MS4A6E: variants seen among roughly 807,000 people sequenced by gnomAD.
MS4A6E encodes the protein membrane-spanning 4-domains subfamily A member 6E.
Under a neutral mutation model 13.2 loss-of-function variants are expected in MS4A6E, and 8 were observed. The observed-to-expected ratio is 0.60, with a 90% confidence interval of 0.35 to 1.09. The LOEUF is 1.09. Ranked by LOEUF, MS4A6E falls within the 50% of genes least tolerant of loss-of-function variation. The pLI, the probability that MS4A6E is intolerant of heterozygous loss-of-function variation, is 0.02. For synonymous variants in MS4A6E, 72 were observed against 67.6 expected (o/e 1.06, Z -0.32); for missense variants, 177 against 171.1 (o/e 1.03, Z -0.19).
At chr11:60,337,530 C>G (rs1009533900) in intron 2 of MS4A6E, among the ~76,000 whole-genome samples, 1 of 152,062 alleles carries the variant, frequency 6.6e-6, no homozygotes, top group Non-Finnish European at 1.5e-5. Flanking sequence ...TTGAGGGGAA[C>G]CAGTTCATAT....
chr11:60,329,992 A>G (rs1185369192), intron 1 of MS4A6E, among the ~76,000 whole-genome samples: 1 of 150,316 alleles, frequency 6.7e-6, no homozygotes, highest in Non-Finnish European at 1.5e-5. Context: ...CACCTGACTA[A>G]TTTGTTGTAT....
At chr11:60,328,029 CAAAAAAAAAAAAAA>C (rs3042505) in intron 1 of MS4A6E, among the ~76,000 whole-genome samples, 2 of 82,078 alleles carry the variant, frequency 2.4e-5, no homozygotes, top group Non-Finnish European at 4.5e-5. Context: ...GACTCCATCT[CAAAAAAAAAAAAAA>C]AAAAAAAAAA....
intron 1 of MS4A6E, among the ~76,000 whole-genome samples, chr11:60,331,464 G>C (rs527679463): frequency 6.6e-6 from 1 of 152,026 alleles, no homozygotes; most frequent in African/African-American, 2.4e-5. Context: ...ATTTATTTTA[G>C]TCTTTTATGA....
chr11:60,337,524 G>A (rs1345840317), intron 2 of MS4A6E, among the ~76,000 whole-genome samples: 1 of 152,124 alleles, frequency 6.6e-6, no homozygotes, highest in African/African-American at 2.4e-5. Flanking sequence ...TCCTGTTTGA[G>A]GGGAACCAGT....
At chr11:60,335,354 C>T (rs1374672453) in intron 2 of MS4A6E, among the ~76,000 whole-genome samples, 3 of 152,128 alleles carry the variant, frequency 2.0e-5, no homozygotes, top group African/African-American at 7.2e-5. Flanking sequence ...ATTGTATATA[C>T]ATTTTTCTGT....
At chr11:60,347,256 G>A (rs1292862230) in intron 4 of MS4A6E, among the ~76,000 whole-genome samples, 3 of 152,230 alleles carry the variant, frequency 2.0e-5, no homozygotes, top group South Asian at 4.2e-4. Context: ...TCCTGACATG[G>A]CTGCTAAAAG....
At chr11:60,336,110 T>C (rs956576632) in intron 2 of MS4A6E, among the ~76,000 whole-genome samples, 4 of 152,132 alleles carry the variant, frequency 2.6e-5, no homozygotes, top group African/African-American at 4.8e-5. Context: ...CCCTCGTTGG[T>C]ATTTAGAGAT....
At chr11:60,339,808 A>G (rs2085211966) in intron 3 of MS4A6E, 58 bp from the exon 4 acceptor site, 2 of 1,453,916 alleles carry the variant, frequency 1.4e-6, no homozygotes, top group Non-Finnish European at 1.9e-6. Flanking sequence ...CCTCTAAACT[A>G]GGCATGAAAG....
intron 2 of MS4A6E, among the ~76,000 whole-genome samples, chr11:60,336,408 A>G (rs1355132798): frequency 6.6e-6 from 1 of 152,140 alleles, no homozygotes; most frequent in African/African-American, 2.4e-5. Flanking sequence ...TTTAGTAGGA[A>G]ATATATGGGC....
At chr11:60,344,762 T>C (rs2085248293), downstream of MS4A6E, among the ~76,000 whole-genome samples, 1 of 152,206 alleles carries the variant, frequency 6.6e-6, no homozygotes, top group Non-Finnish European at 1.5e-5. Flanking sequence ...GCTGCTGACT[T>C]AGCTGCCTGA....
In MS4A6E at chr11:60,337,875, C is replaced by G; in HGVS notation, c.282C>G (p.Thr94=). ...QCKLDEKDIP[T]RLLLSYDYHS... is the part of the protein sequence containing the mutation. ...AGTTGGACGAAAAGGATATACCAAC[C>G]AGACTTCTTCTTTCTTATGATTATC... The change falls in exon 3 of 5, where the codon ACC becomes ACG. Residue 94 remains threonine (T), a synonymous_variant. Transcript: ENST00000684409. The G allele has an allele frequency of 6.2e-7, 1 of 1,614,226 alleles. No individual in the cohort carries two copies. Among genetic ancestry groups the G allele is most frequent in the Non-Finnish European group, 8.5e-7 (1 of 1,180,048 alleles).
Position 60,337,602 on chromosome 11 carries a change from G to A in MS4A6E, c.148-139G>A, listed in dbSNP as rs1590775542. ...TGAGTTTTTGGCTGGACACTGGAGA[G>A]GCCTACAACAAGAAATGATCCCTCC... On this transcript the variant is annotated intron_variant, in intron 2 of 4. Transcript: ENST00000684409. 5 of 988,246 alleles carry A rather than the reference G, an allele frequency of 5.1e-6. No homozygotes were observed. The East Asian group carries it at 1.3e-4, about 25-fold the overall frequency. 61.2% of individuals were successfully genotyped at this position (988,246 alleles called of 1,614,324 possible). A position where few individuals can be genotyped will look rare whatever the true frequency, so the allele number is the denominator to read the frequency against.
At chr11:60,340,159 C>T (rs1381236131) in intron 4 of MS4A6E, among the ~76,000 whole-genome samples, 195 bp downstream of exon 4, 2 of 152,146 alleles carry the variant, frequency 1.3e-5, no homozygotes, top group Non-Finnish European at 2.9e-5. Context: ...TGAGAGTTCA[C>T]TGGATATGAA....
intron 3 of MS4A6E, 107 bp downstream of exon 3, chr11:60,338,054 A>T: frequency 8.5e-7 from 1 of 1,171,698 alleles, no homozygotes; most frequent in Non-Finnish European, 1.2e-6. Context: ...TGGTTTGGGC[A>T]TCTGGAGGAA....
chr11:60,340,274 C>T (rs10736703), intron 4 of MS4A6E, among the ~76,000 whole-genome samples: 139,283 of 152,252 alleles, frequency 0.91, 63,925 homozygotes, highest in Non-Finnish European at 0.95. Flanking sequence ...TGATATGAGT[C>T]TGTACCTGTG....
chr11:60,342,438 T>C (rs2085234064), downstream of MS4A6E, among the ~76,000 whole-genome samples: 2 of 151,662 alleles, frequency 1.3e-5, no homozygotes, highest in Non-Finnish European at 2.9e-5. Context: ...GAGTGCTTCC[T>C]CATGCAGAGG....
At chr11:60,330,499 C>T (rs905557601) in intron 1 of MS4A6E, among the ~76,000 whole-genome samples, 1 of 151,664 alleles carries the variant, frequency 6.6e-6, no homozygotes, top group Non-Finnish European at 1.5e-5. Context: ...CACCACCACG[C>T]CCAGCTAATT....
At chr11:60,339,755 C>T in intron 3 of MS4A6E, 111 bp from the exon 4 acceptor site, 3 of 902,986 alleles carry the variant, frequency 3.3e-6, no homozygotes, top group Non-Finnish European at 1.8e-6. Context: ...TGTTTCCTTA[C>T]TTCATTCTCT....
downstream of MS4A6E, among the ~76,000 whole-genome samples, chr11:60,342,521 T>C (rs138244155): frequency 2.6e-4 from 40 of 152,298 alleles, no homozygotes; most frequent in Non-Finnish European, 5.0e-4. Flanking sequence ...GAGGAGGTCG[T>C]GTCTGATTTA....
Sources: gnomAD v4.1 joint callset for allele counts (sites outside exome capture counted in the v4.1 genomes callset) on GRCh38, gnomAD v4.1.1 for gene constraint, MANE v1.5 for transcripts, NCBI Gene and HGNC (gene_info 2026-07-23, HGNC 2026-07-21) for gene names.